The following PCNX2 variants were observed in gnomAD, a reference collection of about 807,000 sequenced individuals.
The protein encoded by PCNX2 is pecanex-like protein 2.
PCNX2 carries 168 observed loss-of-function variants against 223.8 expected under a neutral mutation model. That is an observed-to-expected ratio of 0.75 (90% confidence interval 0.66 to 0.85). The LOEUF is 0.85. Ranked by LOEUF, PCNX2 falls within the 40% of genes least tolerant of loss-of-function variation. The pLI, the probability that PCNX2 is intolerant of heterozygous loss-of-function variation, is 0.00. For missense variants in PCNX2, 2,507 were observed against 2,675.5 expected (o/e 0.94, Z 1.39); for synonymous variants, 1,006 against 1,052.6 (o/e 0.96, Z 0.86).
chr1:233,095,476 A>G (rs1674106687), intron 22 of PCNX2: 4 of 417,622 alleles, frequency 9.6e-6, no homozygotes, highest in African/African-American at 4.0e-5. Flanking sequence ...AGTTTAAAAG[A>G]CAGGGTACCT....
intron 17 of PCNX2, among the ~76,000 whole-genome samples, chr1:233,176,318 T>C (rs1003199238): frequency 1.3e-5 from 2 of 152,228 alleles, no homozygotes; most frequent in Non-Finnish European, 2.9e-5. Flanking sequence ...CATTATTTTA[T>C]AGTTGTAGGA....
chr1:233,062,534 A>G (rs944273290), intron 23 of PCNX2, among the ~76,000 whole-genome samples: 1 of 152,214 alleles, frequency 6.6e-6, no homozygotes, highest in Non-Finnish European at 1.5e-5. Flanking sequence ...GCATTATAAA[A>G]TGTTTTTAAT....
At position 233,177,848 on chromosome 1, in the gene PCNX2, G is replaced by A. The variant is rs41307684; in HGVS notation, c.3227C>T (p.Ala1076Val). ...GGGGAGAGGGTCAGCAGCTGACTCT[G>A]CCAGATTTTGATGTAAAAATTTAGG... ...LFPKFLHQNL[A>V]ESAADPLPKK... Residue 1076 changes from alanine to valine, a missense_variant, in exon 17 of 34, where the codon GCA becomes GTA. Ala to Val is a moderately conservative substitution (Grantham distance 64, BLOSUM62 0). Transcript: ENST00000258229. 8 of 1,613,896 alleles carry A rather than the reference G, an allele frequency of 5.0e-6. No individual in the cohort carries two copies. Among genetic ancestry groups the A allele is most frequent in the Non-Finnish European group, 5.9e-6 (7 of 1,179,826 alleles).
chr1:233,141,534 C>G (rs1677110031), intron 19 of PCNX2, among the ~76,000 whole-genome samples: 1 of 152,064 alleles, frequency 6.6e-6, no homozygotes, highest in South Asian at 2.1e-4. Context: ...GGCATGGTGG[C>G]ATGTGCCTGT....
chr1:233,303,791 C>T, the PCNX2 span, among the ~76,000 whole-genome samples: 1 of 152,072 alleles, frequency 6.6e-6, no homozygotes, highest in Non-Finnish European at 1.5e-5. Flanking sequence ...AATGCAGTCA[C>T]CTCAGGGTTC....
intron 17 of PCNX2, among the ~76,000 whole-genome samples, chr1:233,168,491 A>T (rs1266622803): frequency 2.0e-5 from 3 of 151,958 alleles, no homozygotes; most frequent in Non-Finnish European, 4.4e-5. Flanking sequence ...CACTAATATC[A>T]TTTAGTGGTT....
the PCNX2 span, among the ~76,000 whole-genome samples, chr1:233,325,398 C>T: frequency 1.3e-5 from 2 of 151,862 alleles, no homozygotes; most frequent in African/African-American, 4.8e-5. Flanking sequence ...ATAGCTCACA[C>T]CTGTAATCCC....
rs1233535111 is a variant in PCNX2 at position 232,983,504 on chromosome 1, G to T, written c.*800C>A. 6.6e-6 allele frequency: 1 copy of T among 152,250 alleles called. No individual in the cohort carries two copies. Among genetic ancestry groups the T allele is most frequent in the East Asian group, 1.9e-4 (1 of 5,198 alleles). The allele number at this position is 152,250 out of a possible 1,614,324, so 9.4% of individuals were successfully genotyped here. A position where few individuals can be genotyped will look rare whatever the true frequency, so the allele number is the denominator to read the frequency against. On this transcript the variant is annotated 3_prime_UTR_variant, in exon 34 of 34. Transcript: ENST00000258229. ...TTGTGTGCACAGTAAGGGTTGCGGG[G>T]CTTGGAGAACAAGCACGCGTCCCTG...
At chr1:233,275,675 A>C (rs1465120952) in intron 1 of PCNX2, among the ~76,000 whole-genome samples, 1 of 152,234 alleles carries the variant, frequency 6.6e-6, no homozygotes, top group East Asian at 1.9e-4. Context: ...TGCAAAAGAA[A>C]TGAAAGCATG....
rs376153733 is a variant in PCNX2, at chr1:233,258,849, T to G, written c.1013A>C (p.Gln338Pro). 6.2e-7 allele frequency: 1 copy of G among 1,613,832 alleles called. No individual in the cohort carries two copies. Among genetic ancestry groups the G allele is most frequent in the African/African-American group, 1.3e-5 (1 of 74,920 alleles). Reference sequence around the variant, plus strand: ...TTCCTGGTGCAAGGGCAGGTCCCCCTGGCAGGAGGTATCTACCTGACAGGA... The same window carrying G: ...TTCCTGGTGCAAGGGCAGGTCCCCCGGGCAGGAGGTATCTACCTGACAGGA... Reference protein sequence around the residue: ...DTSCQVDTSCQGDLPLHQEVD... With the variant: ...DTSCQVDTSCPGDLPLHQEVD... Residue 338 changes from glutamine (Q) to proline (P), a missense_variant, in exon 5 of 34, where the codon CAG becomes CCG. Around this residue, in one of 3 missense-constraint regions of PCNX2, gnomAD observed 1,031 missense variants for 1,021.7 expected, o/e 1.01. Coordinates refer to ENST00000258229, the MANE Select transcript of PCNX2 (RefSeq NM_014801.4).
intron 22 of PCNX2, among the ~76,000 whole-genome samples, chr1:233,093,000 C>A (rs143117423): frequency 3.9e-5 from 6 of 152,086 alleles, no homozygotes; most frequent in South Asian, 2.1e-4. Context: ...GGGGTTTCAC[C>A]GTGTTAGCCA....
intron 17 of PCNX2, among the ~76,000 whole-genome samples, chr1:233,169,076 G>A (rs1678977282): frequency 6.6e-6 from 1 of 151,690 alleles, no homozygotes; most frequent in African/African-American, 2.4e-5. Context: ...TTGCCTATAG[G>A]GTTTTAAAAA....
rs918033841 is a variant in PCNX2, at chr1:233,058,517, C to T, written c.4077-1227G>A. 12 of 152,174 alleles carry T rather than the reference C, an allele frequency of 7.9e-5. No individual in the cohort carries two copies. The South Asian group carries it at 8.3e-4, about 11-fold the overall frequency. 9.4% of individuals were successfully genotyped at this position (152,174 alleles called of 1,614,324 possible). On this transcript the variant is annotated intron_variant, in intron 23 of 33. Transcript: ENST00000258229. ...TTCATATGGTTAAATCTGATATATT[C>T]GCCATTAAGAAAGGGCTTCCACAAA...
intron 26 of PCNX2, among the ~76,000 whole-genome samples, chr1:233,022,993 G>A (rs1442626952): frequency 6.6e-6 from 1 of 152,112 alleles, no homozygotes; most frequent in Non-Finnish European, 1.5e-5. Context: ...CACTGCGCCG[G>A]GATGAGTCTA....
chr1:233,188,281 A>AT (rs1680221195), intron 15 of PCNX2, among the ~76,000 whole-genome samples: 1 of 151,944 alleles, frequency 6.6e-6, no homozygotes. Flanking sequence ...TGCAGTCCCC[A>AT]TTTCCTGGAT....
At chr1:233,291,662 G>C (rs1015424655) in intron 1 of PCNX2, 6 of 970,346 alleles carry the variant, frequency 6.2e-6, no homozygotes, top group Non-Finnish European at 6.1e-6. Context: ...TTTGACATGA[G>C]GCTAGTGCTC....
chr1:233,190,589 T>C (rs1680366930), intron 15 of PCNX2, among the ~76,000 whole-genome samples: 1 of 152,206 alleles, frequency 6.6e-6, no homozygotes, highest in African/African-American at 2.4e-5. Context: ...TTATTGCAAA[T>C]GATCGTTGTT....
chr1:233,246,629 C>G (rs1384896623), intron 8 of PCNX2, among the ~76,000 whole-genome samples: 1 of 152,196 alleles, frequency 6.6e-6, no homozygotes, highest in Non-Finnish European at 1.5e-5. Flanking sequence ...GAAAGTGCCT[C>G]GTTCAGGGCC....
At position 233,000,066 on chromosome 1, in the gene PCNX2, G is replaced by T. The variant is rs1026506126; in HGVS notation, c.5328+239C>A. On this transcript the variant is annotated intron_variant, in intron 30 of 33. Coordinates refer to ENST00000258229, the MANE Select transcript of PCNX2 (RefSeq NM_014801.4). The surrounding 1 kb of genome is among the most constrained non-coding windows in gnomAD (Gnocchi z 4.6). ...CTACTGGGTCTTCTTGGCAAAGTCT[G>T]TGTCTGTGTGCTGGCTCTGTGAGGT... Among the ~76,000 whole-genome samples the T allele has an allele frequency of 1.3e-5, 2 of 152,186 alleles. No individual in the cohort carries two copies. The highest frequency in any genetic ancestry group is 2.9e-5 in the Non-Finnish European group (2 of 68,038).
Sources: gnomAD v4.1 joint callset for allele counts (sites outside exome capture counted in the v4.1 genomes callset) on GRCh38, gnomAD v4.1.1 for gene constraint, gnomAD v4.1.1 regional missense constraint, Gnocchi (gnomAD v3.1) non-coding constraint, MANE v1.5 for transcripts, NCBI Gene and HGNC (gene_info 2026-07-23, HGNC 2026-07-21) for gene names.